Variants in PAM observed in about 807,000 individuals in gnomAD.
PAM encodes peptidylglycine alpha-amidating monooxygenase.
A neutral mutation model predicts 122.1 loss-of-function variants in PAM; 72 were observed. That is an observed-to-expected ratio of 0.59 (90% CI 0.49 to 0.72). PAM has a LOEUF of 0.72. Among genes scored for constraint, PAM ranks in the 30% least tolerant of loss-of-function variants. PAM has a pLI of 0.00. For synonymous variants in PAM, 389 were observed against 404.4 expected (o/e 0.96, Z 0.46); for missense variants, 1,106 against 1,183.7 (o/e 0.93, Z 0.96).
Position 102,780,933 on chromosome 5 carries a change from T to G in PAM, c.-374+25585T>G, listed in dbSNP as rs192788155. Among the ~76,000 whole-genome samples, 768 of 151,524 alleles carry G rather than the reference T, an allele frequency of 5.1e-3. 2 individuals carry two copies. Among genetic ancestry groups the G allele is most frequent in the South Asian group, 0.032 (153 of 4,744 alleles). On this transcript the variant is annotated intron_variant, in intron 1 of 25. Transcript: ENST00000438793. ...GGGGGCTGTCCTGTGCATTGGAGGC[T>G]GTTTAGCAGCATCTCTGGCTTCTAC...
At chr5:102,834,047 A>C (rs1561575516) in intron 1 of PAM, among the ~76,000 whole-genome samples, 2 of 152,306 alleles carry the variant, frequency 1.3e-5, no homozygotes, top group East Asian at 3.9e-4. Context: ...AGATGGGTTC[A>C]AAATGTGTTC....
At chr5:102,848,774 A>C (rs1780609647) in intron 1 of PAM, among the ~76,000 whole-genome samples, 1 of 152,248 alleles carries the variant, frequency 6.6e-6, no homozygotes, top group African/African-American at 2.4e-5. Flanking sequence ...AGTGGAAAAG[A>C]AATGCCAGGA....
At chr5:103,000,687 G>C (rs754209629) in intron 16 of PAM, among the ~76,000 whole-genome samples, 2 of 152,152 alleles carry the variant, frequency 1.3e-5, no homozygotes. Context: ...GATTGCTTCA[G>C]AAGGGGAAGC....
intron 3 of PAM, among the ~76,000 whole-genome samples, chr5:102,879,231 C>T (rs1156733236): frequency 6.6e-6 from 1 of 152,148 alleles, no homozygotes; most frequent in African/African-American, 2.4e-5. Flanking sequence ...CACACCCAAC[C>T]AGAAAAATGC....
chr5:103,029,079 A>AT lies in PAM; in HGVS notation c.*17dup, dbSNP rs1282753977. The stretch of plus-strand genomic sequence containing the variant: ...TCCTCCTCCTGAAAACCAAGCTTTG[A>AT]TTTAGATTGAGTAAGATTTACCCAG... On this transcript the variant is annotated 3_prime_UTR_variant, in exon 26 of 26. Coordinates refer to ENST00000438793, the MANE Select transcript of PAM (RefSeq NM_001177306.2). 1 of 1,595,300 alleles carries AT rather than the reference A, an allele frequency of 6.3e-7. No homozygotes were observed. The highest frequency in any genetic ancestry group is 1.4e-5 in the African/African-American group (1 of 74,072).
intron 16 of PAM, among the ~76,000 whole-genome samples, chr5:102,994,610 G>A (rs765277123): frequency 6.6e-6 from 1 of 152,084 alleles, no homozygotes; most frequent in Non-Finnish European, 1.5e-5. Flanking sequence ...TTACATCACT[G>A]TGTTGCCTTA....
At chr5:102,844,145 A>G (rs1478192016) in intron 1 of PAM, among the ~76,000 whole-genome samples, 1 of 152,212 alleles carries the variant, frequency 6.6e-6, no homozygotes, top group African/African-American at 2.4e-5. Flanking sequence ...AACTATTGAT[A>G]CATGCAACAA....
chr5:102,876,304 C>T (rs1789186090), intron 3 of PAM, among the ~76,000 whole-genome samples: 1 of 152,106 alleles, frequency 6.6e-6, no homozygotes, highest in African/African-American at 2.4e-5. Context: ...TTATAATATC[C>T]CTCCTAACTG....
chr5:102,859,165 GT>G (rs1277526779), intron 1 of PAM, among the ~76,000 whole-genome samples: 2 of 152,134 alleles, frequency 1.3e-5, no homozygotes, highest in Admixed American at 1.3e-4. Context: ...CAAAAAAAAT[GT>G]TAACTGTAAA....
intron 3 of PAM, among the ~76,000 whole-genome samples, chr5:102,900,994 A>G (rs1797657636): frequency 6.6e-6 from 1 of 151,698 alleles, no homozygotes; most frequent in Admixed American, 6.6e-5. Flanking sequence ...TAATTTTGCA[A>G]ATAGCAAAGA....
chr5:102,963,487 C>G (rs545670221), intron 14 of PAM, among the ~76,000 whole-genome samples: 1 of 152,090 alleles, frequency 6.6e-6, no homozygotes, highest in East Asian at 1.9e-4. Flanking sequence ...TCACTTATCA[C>G]TTTATTTGGT....
chr5:102,939,969 G>T (rs1754561508), intron 7 of PAM, among the ~76,000 whole-genome samples: 1 of 151,870 alleles, frequency 6.6e-6, no homozygotes, highest in Non-Finnish European at 1.5e-5. Context: ...CAACAAAATG[G>T]ATAGTTTTGC....
intron 3 of PAM, among the ~76,000 whole-genome samples, chr5:102,897,278 A>T (rs1218737487): frequency 6.6e-6 from 1 of 151,606 alleles, no homozygotes; most frequent in African/African-American, 2.4e-5. Flanking sequence ...TAAAATGTAC[A>T]CAATCAGGGG....
intron 1 of PAM, among the ~76,000 whole-genome samples, chr5:102,779,146 T>A (rs79587956): frequency 0.011 from 1,687 of 152,068 alleles, 33 homozygotes; most frequent in African/African-American, 0.038. Context: ...CAGTGCCCTC[T>A]TTATTACCAA....
At chr5:102,960,829 G>A (rs1338536136) in intron 13 of PAM, among the ~76,000 whole-genome samples, 1 of 151,562 alleles carries the variant, frequency 6.6e-6, no homozygotes, top group African/African-American at 2.4e-5. Context: ...GTTCTTAAAT[G>A]TTCTTAAAAC....
chr5:102,806,138 C>T (rs1366363651), intron 1 of PAM, among the ~76,000 whole-genome samples: 2 of 152,158 alleles, frequency 1.3e-5, no homozygotes, highest in Non-Finnish European at 2.9e-5. Context: ...CAAGTGCTCC[C>T]TTTTTGTGTG....
intron 12 of PAM, among the ~76,000 whole-genome samples, chr5:102,953,973 ATTGCGC>A (rs1759851717): frequency 6.6e-6 from 1 of 152,136 alleles, no homozygotes; most frequent in Non-Finnish European, 1.5e-5. Context: ...AGATCATGCC[ATTGCGC>A]TTCAGACTGG....
At chr5:102,946,063 A>G (rs890261784) in intron 7 of PAM, among the ~76,000 whole-genome samples, 3 of 152,206 alleles carry the variant, frequency 2.0e-5, no homozygotes, top group Non-Finnish European at 4.4e-5. Flanking sequence ...AGATCAGCAT[A>G]GAGGTTATGG....
At chr5:102,930,724 A>G (rs896702557) in intron 7 of PAM, among the ~76,000 whole-genome samples, 1 of 152,202 alleles carries the variant, frequency 6.6e-6, no homozygotes, top group Non-Finnish European at 1.5e-5. Flanking sequence ...GCTTGAGTAC[A>G]TGGAAAAGCT....
Sources: allele counts gnomAD v4.1 joint callset (sites outside exome capture counted in the v4.1 genomes callset), GRCh38; gene constraint gnomAD v4.1.1; transcripts MANE v1.5; gene names NCBI Gene and HGNC (gene_info 2026-07-23, HGNC 2026-07-21).